The following VRK1 variants were observed in gnomAD, a reference collection of about 807,000 sequenced individuals.
The protein encoded by VRK1 is VRK serine/threonine kinase 1, also known as serine/threonine-protein kinase VRK1.
VRK1 carries 33 observed loss-of-function variants against 57.1 expected under a neutral mutation model. That is an observed-to-expected ratio of 0.58 (90% CI 0.44 to 0.77). The LOEUF (loss-of-function observed/expected upper bound fraction) is 0.77. Among genes scored for constraint, VRK1 ranks in the 30% least tolerant of loss-of-function variants. VRK1 has a pLI of 0.00. For missense variants in VRK1, 413 were observed against 477.3 expected (o/e 0.87, Z 1.25); for synonymous variants, 137 against 147.8 (o/e 0.93, Z 0.53).
chr14:96,810,028 G>A (rs1458717646), intron 1 of VRK1, among the ~76,000 whole-genome samples: 1 of 152,204 alleles, frequency 6.6e-6, no homozygotes, highest in African/African-American at 2.4e-5. Context: ...ACTAGTGGCT[G>A]TATAGAAGAT....
chr14:96,804,630 G>A (rs898710047), intron 1 of VRK1, among the ~76,000 whole-genome samples: 3 of 152,194 alleles, frequency 2.0e-5, no homozygotes, highest in Non-Finnish European at 4.4e-5. Flanking sequence ...TTGGCTATTA[G>A]GAAGGTGCTG....
At chr14:96,855,402 A>G in intron 8 of VRK1, 46 bp downstream of exon 8, 6 of 1,613,434 alleles carry the variant, frequency 3.7e-6, no homozygotes, top group Non-Finnish European at 5.1e-6. Context: ...TAATGTTTTC[A>G]CCCAGATTCC....
chr14:96,825,537 C>T (rs943453627), intron 1 of VRK1, among the ~76,000 whole-genome samples: 1 of 152,098 alleles, frequency 6.6e-6, no homozygotes, highest in East Asian at 1.9e-4. Context: ...TTCTCATATA[C>T]GAGGAGCTTA....
chr14:96,860,811 A>G (rs1038095965), intron 11 of VRK1, 76 bp downstream of exon 11: 2 of 1,512,240 alleles, frequency 1.3e-6, no homozygotes, highest in Admixed American at 1.8e-5. Flanking sequence ...AAAGTATAGC[A>G]GTAGTTCAAT....
chr14:96,827,304 T>C (rs897261499), intron 1 of VRK1, among the ~76,000 whole-genome samples: 7 of 152,174 alleles, frequency 4.6e-5, no homozygotes, highest in Non-Finnish European at 2.9e-5. Context: ...CTGGACAGTG[T>C]TAGATTTTGT....
intron 11 of VRK1, among the ~76,000 whole-genome samples, chr14:96,867,810 T>G (rs910947097): frequency 2.0e-5 from 3 of 152,308 alleles, no homozygotes; most frequent in African/African-American, 7.2e-5. Context: ...AGTCATATTT[T>G]AAGGGTACTA....
At chr14:96,857,180 G>T (rs1365942440) in intron 10 of VRK1, among the ~76,000 whole-genome samples, 1 of 152,140 alleles carries the variant, frequency 6.6e-6, no homozygotes, top group Non-Finnish European at 1.5e-5. Context: ...GAGGATTTTA[G>T]ACAGTAAACA....
chr14:96,841,834 CAA>C (rs397933004), intron 3 of VRK1, among the ~76,000 whole-genome samples: 8 of 136,090 alleles, frequency 5.9e-5, no homozygotes, highest in Admixed American at 7.4e-5. Flanking sequence ...GACTCTATCT[CAA>C]AAAAAAAAAA....
intron 1 of VRK1, among the ~76,000 whole-genome samples, chr14:96,803,023 A>G (rs1885724849): frequency 6.6e-6 from 1 of 152,146 alleles, no homozygotes; most frequent in Admixed American, 6.5e-5. Context: ...CCCTTTGTCC[A>G]GCATATCCAC....
chr14:96,843,847 TAGA>T lies in VRK1; in HGVS notation c.217-2242_217-2240del, dbSNP rs1421102576. On this transcript the variant is annotated intron_variant, in intron 3 of 12. Transcript: ENST00000216639. ...TTGTGATAATGGAAGTTTATTGGATTAGAAGAAGTATGAAATGAGCTCAGAGAG... is the reference window on the plus strand; with the variant it reads ...TTGTGATAATGGAAGTTTATTGGATTAGAAGTATGAAATGAGCTCAGAGAG... 9.2e-5 allele frequency among the ~76,000 whole-genome samples: 14 copies of T among 152,314 alleles called. No homozygotes were observed. In the East Asian group the frequency reaches 2.3e-3, roughly 25 times the overall value.
At chr14:96,809,964 T>C (rs774329222) in intron 1 of VRK1, among the ~76,000 whole-genome samples, 5 of 152,232 alleles carry the variant, frequency 3.3e-5, no homozygotes, top group Non-Finnish European at 7.3e-5. Flanking sequence ...TTCCGGTTAC[T>C]CTGCAGCTTT....
intron 10 of VRK1, among the ~76,000 whole-genome samples, chr14:96,858,080 G>A (rs1421067020): frequency 1.3e-5 from 2 of 151,300 alleles, no homozygotes; most frequent in East Asian, 3.9e-4. Flanking sequence ...TTGTTGTTTT[G>A]TTTTTTTGAG....
chr14:96,836,270 A>C (rs1887207560), intron 2 of VRK1, among the ~76,000 whole-genome samples: 1 of 151,988 alleles, frequency 6.6e-6, no homozygotes, highest in Non-Finnish European at 1.5e-5. Context: ...CCTTGCCCCT[A>C]TACTCCATTC....
intron 3 of VRK1, among the ~76,000 whole-genome samples, chr14:96,844,372 G>T (rs1456879836): frequency 6.6e-6 from 1 of 152,162 alleles, no homozygotes. Context: ...GCCAAGCCAT[G>T]ATACTACTGT....
chr14:96,866,658 G>A (rs535823673), intron 11 of VRK1, among the ~76,000 whole-genome samples: 14 of 152,160 alleles, frequency 9.2e-5, no homozygotes, highest in African/African-American at 3.1e-4. Context: ...TCTTTTCAAC[G>A]GGCTTAAGTC....
At chr14:96,819,864 G>C (rs1886531915) in intron 1 of VRK1, among the ~76,000 whole-genome samples, 2 of 152,188 alleles carry the variant, frequency 1.3e-5, no homozygotes. Flanking sequence ...TTTGTTGTGC[G>C]ACGTGCAGTC....
chr14:96,803,333 G>A (rs984969312), intron 1 of VRK1, among the ~76,000 whole-genome samples: 12 of 151,860 alleles, frequency 7.9e-5, no homozygotes, highest in Non-Finnish European at 7.4e-5. Flanking sequence ...GCCACGCACC[G>A]CAAATTTTTG....
intron 10 of VRK1, among the ~76,000 whole-genome samples, chr14:96,858,435 C>T (rs1458155797): frequency 1.3e-5 from 2 of 152,124 alleles, no homozygotes; most frequent in East Asian, 1.9e-4. Flanking sequence ...ATTGTCATTT[C>T]TATATGATAT....
At chr14:96,824,920 T>C (rs1008207851) in intron 1 of VRK1, among the ~76,000 whole-genome samples, 5 of 152,106 alleles carry the variant, frequency 3.3e-5, no homozygotes, top group African/African-American at 1.2e-4. Flanking sequence ...CCCAAAGTGC[T>C]GAGATTACAG....
Sources: gnomAD v4.1 joint callset for allele counts (sites outside exome capture counted in the v4.1 genomes callset) on GRCh38, gnomAD v4.1.1 for gene constraint, MANE v1.5 for transcripts, NCBI Gene and HGNC (gene_info 2026-07-23, HGNC 2026-07-21) for gene names.